NSMAF: variants seen among roughly 807,000 people sequenced by gnomAD.
The protein encoded by NSMAF is neutral sphingomyelinase activation associated factor, also known as protein FAN.
Under a neutral mutation model 134.9 loss-of-function variants are expected in NSMAF, and 90 were observed. That is an observed-to-expected ratio of 0.67 (90% CI 0.56 to 0.79). The LOEUF (loss-of-function observed/expected upper bound fraction) is 0.79. NSMAF is among the 30% of genes least tolerant of loss of function. The pLI is 0.00. For synonymous variants in NSMAF, 358 were observed against 389.6 expected (o/e 0.92, Z 0.96); for missense variants, 1,010 against 1,119.0 (o/e 0.90, Z 1.39).
At chr8:58,643,222 C>T (rs1000328957) in intron 1 of NSMAF, 149 bp from the exon 2 acceptor site, 2 of 650,620 alleles carry the variant, frequency 3.1e-6, no homozygotes, top group African/African-American at 3.7e-5. Context: ...AGGCAGTCCT[C>T]TCTACCCAGT....
intron 6 of NSMAF, among the ~76,000 whole-genome samples, chr8:58,624,825 A>G (rs1174049001): frequency 6.6e-6 from 1 of 152,128 alleles, no homozygotes; most frequent in Non-Finnish European, 1.5e-5. Flanking sequence ...CGTTCTACCC[A>G]TTGTCGAAAG....
chr8:58,612,725 C>T (rs1438001853), intron 9 of NSMAF, among the ~76,000 whole-genome samples: 2 of 152,020 alleles, frequency 1.3e-5, no homozygotes, highest in Non-Finnish European at 2.9e-5. Flanking sequence ...TGTAGAATAC[C>T]CAACTGGTGT....
chr8:58,586,584 C>T lies in NSMAF; in HGVS notation c.2320G>A (p.Ala774Thr), dbSNP rs976225018. The change falls in exon 28 of 31, where the codon GCA (alanine) becomes ACA (threonine). Residue 774 changes from alanine (A) to threonine (T), a missense_variant. Transcript: ENST00000038176. ...GTGCCGGAAACTAACAGTGTGCTTGCAGCATTTAAACTGATTGTATCTACC... is the reference window on the plus strand; with the variant it reads ...GTGCCGGAAACTAACAGTGTGCTTGTAGCATTTAAACTGATTGTATCTACC... ...VSVDTISLNA[A>T]STLLVSGTKE... 6.2e-6 allele frequency: 10 copies of T among 1,613,666 alleles called. No individual in the cohort carries two copies. In the African/African-American group the frequency reaches 1.2e-4, roughly 19 times the overall value.
At position 58,620,396 on chromosome 8, in the gene NSMAF, A is replaced by G. The variant is rs978188134; in HGVS notation, c.557+2824T>C. ...GCAAATAACTAGGGCACAGAATTCA[A>G]GATGCATCATCAACGACTAGTAGTA... On this transcript the variant is annotated intron_variant, in intron 9 of 30. Transcript: ENST00000038176. 1.3e-4 allele frequency among the ~76,000 whole-genome samples: 20 copies of G among 152,238 alleles called. 1 individual carries two copies. Among genetic ancestry groups the G allele is most frequent in the African/African-American group, 4.8e-4 (20 of 41,466 alleles).
intron 9 of NSMAF, among the ~76,000 whole-genome samples, chr8:58,618,179 G>A (rs1002287310): frequency 8.5e-5 from 13 of 152,110 alleles, no homozygotes; most frequent in Admixed American, 8.5e-4. Context: ...GGAGCCGGGG[G>A]AGGGATAGCA....
intron 5 of NSMAF, among the ~76,000 whole-genome samples, chr8:58,634,252 T>C (rs1807121812): frequency 6.6e-6 from 1 of 152,200 alleles, no homozygotes; most frequent in African/African-American, 2.4e-5. Context: ...GGAAGGTAGA[T>C]GTAGAAAATC....
chr8:58,658,083 G>A (rs772177550), intron 1 of NSMAF, among the ~76,000 whole-genome samples: 14 of 152,150 alleles, frequency 9.2e-5, no homozygotes, highest in Non-Finnish European at 1.3e-4. Flanking sequence ...TGGCACGAAT[G>A]ACTCATATCA....
At chr8:58,642,409 CA>C (rs1234440612) in intron 2 of NSMAF, among the ~76,000 whole-genome samples, 1 of 152,176 alleles carries the variant, frequency 6.6e-6, no homozygotes, top group East Asian at 1.9e-4. Flanking sequence ...GTCAAAGAAA[CA>C]ATCTGTTTTT....
At chr8:58,645,443 T>C (rs1224628537) in intron 1 of NSMAF, among the ~76,000 whole-genome samples, 1 of 152,128 alleles carries the variant, frequency 6.6e-6, no homozygotes, top group Non-Finnish European at 1.5e-5. Flanking sequence ...GGTACATTAG[T>C]TTTGGAAAAA....
chr8:58,605,161 A>G (rs73684348), intron 12 of NSMAF, among the ~76,000 whole-genome samples: 6,221 of 152,316 alleles, frequency 0.041, 434 homozygotes, highest in African/African-American at 0.14. Context: ...ACATCATAAT[A>G]TAAGTATTTT....
chr8:58,614,100 T>C (rs1001041520), intron 9 of NSMAF, among the ~76,000 whole-genome samples: 5 of 152,180 alleles, frequency 3.3e-5, no homozygotes, highest in African/African-American at 1.2e-4. Flanking sequence ...GTCCTCACAA[T>C]GACCATTGCC....
rs199784794 is a variant in NSMAF, at chr8:58,590,909, T to C, written c.1977A>G (p.Lys659=). The C allele has an allele frequency of 1.3e-5, 21 of 1,569,472 alleles. No individual in the cohort carries two copies. In the African/African-American group the frequency reaches 2.6e-4, roughly 19 times the overall value. Residue 659 remains lysine (K), a synonymous_variant, in exon 24 of 31, where the codon AAA becomes AAG. Transcript: ENST00000038176. ...TACTTCTTTGTAGCATTTTTGATTC[T>C]TTAGAAAACATCTTCAAGGTGGAAT... ...SQDSTLKMFS[K]ESKMLQRSIS...
intron 2 of NSMAF, among the ~76,000 whole-genome samples, chr8:58,640,746 G>GAAATAATATAATTGTAAT (rs1469098185): frequency 6.6e-6 from 1 of 151,770 alleles, no homozygotes. Context: ...GTAATAAATA[G>GAAATAATATAATTGTAAT]AAACAGAGTT....
At chr8:58,641,545 T>TA (rs1169909211) in intron 2 of NSMAF, among the ~76,000 whole-genome samples, 1 of 152,246 alleles carries the variant, frequency 6.6e-6, no homozygotes, top group Non-Finnish European at 1.5e-5. Context: ...TTTTTACACT[T>TA]AATACATGTA....
intron 2 of NSMAF, chr8:58,640,010 AGAGT>A (rs1807297179): frequency 2.2e-6 from 1 of 452,702 alleles, no homozygotes; most frequent in Admixed American, 2.4e-5. Flanking sequence ...TGTTCAGGCA[AGAGT>A]AAGTTAAACT....
chr8:58,600,747 C>A (rs1330687286), intron 16 of NSMAF, among the ~76,000 whole-genome samples: 1 of 132,506 alleles, frequency 7.5e-6, no homozygotes, highest in African/African-American at 2.6e-5. Context: ...AAATTTACAA[C>A]AATTATTATC....
At position 58,586,460 on chromosome 8, in the gene NSMAF, G is replaced by A; in HGVS notation, c.2444C>T (p.Pro815Leu). 1 of 1,613,038 alleles carries A rather than the reference G, an allele frequency of 6.2e-7. No homozygotes were observed. Among genetic ancestry groups the A allele is most frequent in the Non-Finnish European group, 8.5e-7 (1 of 1,179,738 alleles). ...SGIVCDTAFS[P>L]DSRHVLSTGT... ...GTTTTAAAAAGGATAATATCTACCT[G>A]GGCTAAAAGCAGTGTCACATACAAT... is the stretch of plus-strand genomic sequence containing the variant. The change falls in exon 28 of 31, where the codon CCA becomes CTA. Residue 815 changes from proline (P) to leucine (L), a missense_variant and splice_region_variant. Physicochemically the swap from Pro to Leu is moderately conservative, Grantham distance 98. Transcript: ENST00000038176.
At position 58,594,137 on chromosome 8, in the gene NSMAF, A is replaced by G. The variant is rs1806079204; in HGVS notation, c.1951+95T>C. ...TAAGTTTACTTTATGTGGAGGCAGC[A>G]CATGCAAGTGCAGTCCTTGACCACG... On this transcript the variant is annotated intron_variant, in intron 23 of 30. Coordinates refer to ENST00000038176, the MANE Select transcript of NSMAF (RefSeq NM_003580.4). 3 of 971,170 alleles carry G rather than the reference A, an allele frequency of 3.1e-6. No individual in the cohort carries two copies. The Admixed American group carries it at 5.6e-5, about 18-fold the overall frequency. 60.2% of individuals were successfully genotyped at this position (971,170 alleles called of 1,614,324 possible).
intron 1 of NSMAF, among the ~76,000 whole-genome samples, chr8:58,653,186 G>A (rs16923636): frequency 0.048 from 7,318 of 152,108 alleles, 569 homozygotes; most frequent in African/African-American, 0.17. Context: ...TATGTTTTAA[G>A]GATAAGCATT....
Sources: allele counts gnomAD v4.1 joint callset (sites outside exome capture counted in the v4.1 genomes callset), GRCh38; gene constraint gnomAD v4.1.1; transcripts MANE v1.5; gene names NCBI Gene and HGNC (gene_info 2026-07-23, HGNC 2026-07-21).